Variants in C11orf65 observed in about 807,000 individuals in gnomAD.
The protein encoded by C11orf65 is protein MFI.
Under a neutral mutation model 35.3 loss-of-function variants are expected in C11orf65, and 38 were observed. The observed-to-expected ratio is 1.08, with a 90% CI of 0.83 to 1.41. C11orf65 has a LOEUF of 1.41. C11orf65 is among the 40% of genes most tolerant of loss of function. The pLI is 0.00. For synonymous variants in C11orf65, 105 were observed against 114.4 expected, an observed-to-expected ratio of 0.92 and a Z score of 0.53; for missense variants, 370 against 367.1, an observed-to-expected ratio of 1.01 and a Z score of -0.06.
At chr11:108,403,866 T>C (rs11212610) in intron 6 of C11orf65, among the ~76,000 whole-genome samples, 74,937 of 152,014 alleles carry the variant, frequency 0.49, 20,044 homozygotes, top group Middle Eastern at 0.72. Context: ...CCAGGCTGGA[T>C]AGTGCGAGGA....
At chr11:108,449,179 G>A (rs1283536793) in intron 2 of C11orf65, among the ~76,000 whole-genome samples, 1 of 152,068 alleles carries the variant, frequency 6.6e-6, no homozygotes, top group Non-Finnish European at 1.5e-5. Flanking sequence ...TGGGTAGGAA[G>A]AATCAATATC....
At chr11:108,346,797 T>C (rs760492132) in intron 2 of C11orf65, among the ~76,000 whole-genome samples, 1 of 152,112 alleles carries the variant, frequency 6.6e-6, no homozygotes, top group Non-Finnish European at 1.5e-5. Flanking sequence ...ATGCAGTTTT[T>C]TGGGGGGATA....
At chr11:108,387,932 T>C (rs1299299567) in intron 7 of C11orf65, among the ~76,000 whole-genome samples, 1 of 152,204 alleles carries the variant, frequency 6.6e-6, no homozygotes, top group East Asian at 1.9e-4. Flanking sequence ...TGGCCTTCAA[T>C]AGGATACTGC....
chr11:108,427,444 G>A (rs1486654715), intron 3 of C11orf65, among the ~76,000 whole-genome samples: 8 of 120 alleles, frequency 0.067, no homozygotes, highest in Admixed American at 0.1. Context: ...AAGCTCGGCC[G>A]GGCGCGGGCT....
At chr11:108,321,701 T>A (rs889860952) in intron 6 of C11orf65, among the ~76,000 whole-genome samples, 2 of 151,740 alleles carry the variant, frequency 1.3e-5, no homozygotes, top group African/African-American at 2.4e-5. Flanking sequence ...GAAAATTGCT[T>A]GAACCCAGCA....
chr11:108,450,026 G>C (rs191732304), intron 2 of C11orf65, among the ~76,000 whole-genome samples: 1 of 152,040 alleles, frequency 6.6e-6, no homozygotes, highest in African/African-American at 2.4e-5. Context: ...AAAAACACAT[G>C]AAAAAATGCT....
At chr11:108,444,476 A>T (rs1272556019) in intron 2 of C11orf65, among the ~76,000 whole-genome samples, 1 of 152,112 alleles carries the variant, frequency 6.6e-6, no homozygotes, top group Admixed American at 6.6e-5. Context: ...TATGAGGCCA[A>T]CATCATCCTG....
chr11:108,376,368 C>A (rs141989564), intron 2 of C11orf65, among the ~76,000 whole-genome samples: 18 of 152,290 alleles, frequency 1.2e-4, no homozygotes, highest in Admixed American at 3.3e-4. Flanking sequence ...GAACAACCTG[C>A]TCCTGAATGG....
intron 2 of C11orf65, chr11:108,353,743 C>T: frequency 6.4e-7 from 1 of 1,560,326 alleles, no homozygotes; most frequent in Non-Finnish European, 8.8e-7. Context: ...AACCTCCTAA[C>T]TTCACTGTAT....
intron 6 of C11orf65, chr11:108,317,258 TG>T: frequency 8.9e-7 from 1 of 1,118,230 alleles, no homozygotes; most frequent in South Asian, 1.3e-5. Context: ...GGATTTTAAA[TG>T]ATATTGTGAA....
At chr11:108,345,197 C>T (rs1164194737) in intron 2 of C11orf65, among the ~76,000 whole-genome samples, 3 of 152,128 alleles carry the variant, frequency 2.0e-5, no homozygotes, top group African/African-American at 7.2e-5. Flanking sequence ...TTGAGAAGCA[C>T]ATTAAGCTAA....
At chr11:108,465,933 C>T (rs1299523959) in intron 1 of C11orf65, among the ~76,000 whole-genome samples, 4 of 148,824 alleles carry the variant, frequency 2.7e-5, no homozygotes, top group East Asian at 4.0e-4. Context: ...TGCGGTGAGT[C>T]GAGATCATGC....
intron 3 of C11orf65, among the ~76,000 whole-genome samples, chr11:108,413,996 T>C (rs1488617424): frequency 6.6e-6 from 1 of 152,048 alleles, no homozygotes; most frequent in Non-Finnish European, 1.5e-5. Flanking sequence ...TCTAATGTTC[T>C]GCCTTGAGGG....
intron 6 of C11orf65, among the ~76,000 whole-genome samples, chr11:108,396,171 T>TAA (rs931757841): frequency 2.0e-5 from 3 of 152,054 alleles, no homozygotes; most frequent in African/African-American, 7.2e-5. Context: ...TGGCTCACTG[T>TAA]AACCTCTGCC....
At chr11:108,319,860 A>C in intron 6 of C11orf65, 1 of 862,940 alleles carries the variant, frequency 1.2e-6, no homozygotes. Context: ...AGAAATGTTA[A>C]TTTAAAAATT....
chr11:108,332,831 G>C lies in C11orf65; in HGVS notation c.300-1264C>G, dbSNP rs1427723678. Reference sequence around the variant, plus strand: ...TAGGAGACCTCAGATGGTCAGAAGTGTTGAGGCACTTTGTGATGCTTATAT... The same window carrying C: ...TAGGAGACCTCAGATGGTCAGAAGTCTTGAGGCACTTTGTGATGCTTATAT... On this transcript the variant is annotated intron_variant, in intron 3 of 3. Transcript: ENST00000524755. 6.2e-7 allele frequency: 1 copy of C among 1,613,266 alleles called. No homozygotes were observed. The highest frequency in any genetic ancestry group is 8.5e-7 in the Non-Finnish European group (1 of 1,179,580).
chr11:108,457,901 T>C (rs759710590), intron 2 of C11orf65, among the ~76,000 whole-genome samples: 54 of 152,110 alleles, frequency 3.6e-4, no homozygotes, highest in Non-Finnish European at 7.3e-4. Flanking sequence ...CTTGACTGTA[T>C]CTAGAATCAA....
At chr11:108,363,263 C>T (rs2090998876) in intron 2 of C11orf65, among the ~76,000 whole-genome samples, 1 of 152,170 alleles carries the variant, frequency 6.6e-6, no homozygotes, top group Admixed American at 6.5e-5. Flanking sequence ...TTCATTGAGG[C>T]ACAGTCACTA....
rs554133552 is a variant in C11orf65 at position 108,449,968 on chromosome 11, C to T, written c.81+11511G>A. On this transcript the variant is annotated intron_variant, in intron 2 of 8. Coordinates refer to ENST00000393084, the MANE Select transcript of C11orf65 (RefSeq NM_152587.5). The stretch of plus-strand genomic sequence containing the variant: ...AAAAAAAAACCCATCAAAAAGTGGG[C>T]CAAGGATATGAACAGACACTCCTCA... Among the ~76,000 whole-genome samples, 5 of 151,872 alleles carry T rather than the reference C, an allele frequency of 3.3e-5. No individual in the cohort carries two copies. In the South Asian group the frequency reaches 1.0e-3, roughly 32 times the overall value.
Sources: gnomAD v4.1 joint callset for allele counts (sites outside exome capture counted in the v4.1 genomes callset) on GRCh38, gnomAD v4.1.1 for gene constraint, MANE v1.5 for transcripts, NCBI Gene and HGNC (gene_info 2026-07-23, HGNC 2026-07-21) for gene names.